Variants in CACNA1D observed in about 807,000 individuals in gnomAD.
CACNA1D encodes voltage-dependent L-type calcium channel subunit alpha-1D.
CACNA1D carries 55 observed loss-of-function variants against 257.1 expected under a neutral mutation model. The observed-to-expected ratio is 0.21, with a 90% confidence interval of 0.17 to 0.27. The LOEUF (loss-of-function observed/expected upper bound fraction) is 0.27. CACNA1D is among the 10% of genes least tolerant of loss of function. The probability of loss-of-function intolerance (pLI) is 1.00; values close to 1 mark genes in which losing one functional copy is unlikely to be tolerated. For missense variants in CACNA1D, 1,876 were observed against 2,784.0 expected, an observed-to-expected ratio of 0.67 and a Z score of 7.34; for synonymous variants, 980 against 1,014.9, an observed-to-expected ratio of 0.97 and a Z score of 0.65.
intron 8 of CACNA1D, among the ~76,000 whole-genome samples, chr3:53,692,718 G>A (rs2094539320): frequency 6.6e-6 from 1 of 152,206 alleles, no homozygotes; most frequent in Admixed American, 6.5e-5. Flanking sequence ...CCCAAAAGAT[G>A]AAAACTGTTT....
In CACNA1D at chr3:53,811,313, G is replaced by A. The variant is rs200001131; in HGVS notation, c.6393G>A (p.Gln2131=). 1,391 of 1,612,942 alleles carry A rather than the reference G, an allele frequency of 8.6e-4. 21 individuals are homozygous for A. In the South Asian group the frequency reaches 0.014, roughly 17 times the overall value. Residue 2131 remains glutamine (Q), a synonymous_variant, in exon 48 of 48, where the codon CAG becomes CAA. Coordinates refer to ENST00000350061, the MANE Select transcript of CACNA1D (RefSeq NM_001128840.3). The surrounding 1 kb of genome is among the most constrained non-coding windows in gnomAD (Gnocchi z 4.2). ...PLSHRQDYEL[Q]DFGPGYSDEE... The stretch of plus-strand genomic sequence containing the variant: ...CACACCGGCAGGACTATGAGCTACA[G>A]GACTTTGGTCCTGGCTACAGCGACG...
intron 9 of CACNA1D, among the ~76,000 whole-genome samples, chr3:53,703,444 C>T (rs1018622114): frequency 6.6e-6 from 1 of 152,218 alleles, no homozygotes; most frequent in African/African-American, 2.4e-5. Flanking sequence ...CCTGAGAACT[C>T]AGTCCATCAC....
intron 8 of CACNA1D, among the ~76,000 whole-genome samples, chr3:53,697,551 T>G (rs1216285964): frequency 1.3e-5 from 2 of 151,664 alleles, no homozygotes; most frequent in African/African-American, 2.4e-5. Flanking sequence ...CTTCTAAGCA[T>G]TCAAATTTTT....
chr3:53,762,713 T>G (rs1226944966), intron 30 of CACNA1D: 1 of 433,874 alleles, frequency 2.3e-6, no homozygotes, highest in Middle Eastern at 3.3e-4. Context: ...GCCCTGCCCT[T>G]AAATCTCCAC....
chr3:53,789,732 C>T lies in CACNA1D; in HGVS notation c.4923+2780C>T, dbSNP rs1417033437. The stretch of plus-strand genomic sequence containing the variant: ...AAGTGCGGACCTAGGCATGTGCGTG[C>T]TTGTGCTGCGTAGGGTGCAGTCTGT... On this transcript the variant is annotated intron_variant, in intron 40 of 47. Transcript: ENST00000350061. The surrounding 1 kb of genome is among the most constrained non-coding windows in gnomAD (Gnocchi z 4.2). Among the ~76,000 whole-genome samples, 1 of 152,208 alleles carries T rather than the reference C, an allele frequency of 6.6e-6. No homozygotes were observed. Among genetic ancestry groups the T allele is most frequent in the African/African-American group, 2.4e-5 (1 of 41,460 alleles).
At chr3:53,594,018 C>T (rs568682080) in intron 3 of CACNA1D, among the ~76,000 whole-genome samples, 16 of 152,136 alleles carry the variant, frequency 1.1e-4, no homozygotes, top group Non-Finnish European at 1.9e-4. Flanking sequence ...GAAGAAGGAA[C>T]AACAGAAACC....
At chr3:53,643,542 G>T (rs1184867617) in intron 3 of CACNA1D, among the ~76,000 whole-genome samples, 1 of 152,132 alleles carries the variant, frequency 6.6e-6, no homozygotes, top group East Asian at 1.9e-4. Context: ...TGCTGTTCTT[G>T]CTTGGTCAGC....
In CACNA1D at chr3:53,749,314, A is replaced by G. The variant is rs146892408; in HGVS notation, c.3361A>G (p.Ile1121Val). The G allele has an allele frequency of 4.4e-4, 703 of 1,614,056 alleles. No homozygotes were observed. Among genetic ancestry groups the G allele is most frequent in the South Asian group, 1.3e-3 (122 of 91,074 alleles). The change falls in exon 27 of 48, where the codon ATC becomes GTC. Residue 1121 changes from isoleucine (I) to valine (V), a missense_variant. By Grantham distance (29) the Ile-to-Val change is conservative. Transcript: ENST00000350061. ...IDSNGENIGP[I>V]YNHRVEISIF... is the part of the protein sequence containing the mutation. ...CTCGAATGGAGAGAACATCGGCCCA[A>G]TCTACAACCACCGCGTGGAGATCTC...
In CACNA1D at chr3:53,811,848, A is replaced by G. The variant is rs2095602145; in HGVS notation, c.*442A>G. 1 of 155,576 alleles carries G rather than the reference A, an allele frequency of 6.4e-6. No homozygotes were observed. The allele number at this position is 155,576 out of a possible 1,614,324, so 9.6% of individuals were successfully genotyped here. ...GTTACCTCAGCCATCGGTCTAGCAT[A>G]TCAGTCACTGGGCCCAACATATCCA... On this transcript the variant is annotated 3_prime_UTR_variant, in exon 48 of 48. Coordinates refer to ENST00000350061, the MANE Select transcript of CACNA1D (RefSeq NM_001128840.3). The surrounding 1 kb of genome is among the most constrained non-coding windows in gnomAD (Gnocchi z 4.2).
At chr3:53,629,453 C>T (rs2093798344) in intron 3 of CACNA1D, among the ~76,000 whole-genome samples, 1 of 152,190 alleles carries the variant, frequency 6.6e-6, no homozygotes, top group African/African-American at 2.4e-5. Flanking sequence ...GGATAAAATA[C>T]AGAATGAAAG....
At chr3:53,710,262 G>A in intron 9 of CACNA1D, 1 of 390,600 alleles carries the variant, frequency 2.6e-6, no homozygotes, top group Non-Finnish European at 5.1e-6. Context: ...CCTAGCAGGA[G>A]GGGTCTGGGG....
intron 3 of CACNA1D, among the ~76,000 whole-genome samples, chr3:53,507,078 A>AAC: frequency 1.3e-5 from 2 of 150,046 alleles, no homozygotes; most frequent in East Asian, 3.9e-4. Flanking sequence ...ATCTCAAAAA[A>AAC]AAAAAAAAAA....
chr3:53,718,307 T>C lies in CACNA1D; in HGVS notation c.1397T>C (p.Met466Thr), dbSNP rs903758452. 1.2e-6 allele frequency: 2 copies of C among 1,613,628 alleles called. No homozygotes were observed. Among genetic ancestry groups the C allele is most frequent in the African/African-American group, 1.3e-5 (1 of 74,922 alleles). Residue 466 changes from methionine to threonine, a missense_variant, in exon 10 of 48, where the codon ATG becomes ACG. Coordinates refer to ENST00000350061, the MANE Select transcript of CACNA1D (RefSeq NM_001128840.3). ...GGEEGKRNTS[M>T]PTSETESVNT... ...GCCCGTCTTCTCCCCACAGCTAGCA[T>C]GCCCACCAGCGAGACTGAGTCTGTG... is the stretch of plus-strand genomic sequence containing the variant.
intron 3 of CACNA1D, among the ~76,000 whole-genome samples, chr3:53,640,240 T>G (rs948890820): frequency 1.3e-5 from 2 of 152,214 alleles, no homozygotes; most frequent in African/African-American, 4.8e-5. Flanking sequence ...AGGGAGACAG[T>G]GTATGACTTT....
chr3:53,648,679 G>A (rs551662634), intron 3 of CACNA1D, among the ~76,000 whole-genome samples: 2 of 152,124 alleles, frequency 1.3e-5, no homozygotes, highest in East Asian at 1.9e-4. Context: ...TGTATGAAGG[G>A]CATGGGGGAA....
At chr3:53,580,419 C>G (rs2093112457) in intron 3 of CACNA1D, among the ~76,000 whole-genome samples, 1 of 152,214 alleles carries the variant, frequency 6.6e-6, no homozygotes, top group Non-Finnish European at 1.5e-5. Flanking sequence ...AGAGAAAGTG[C>G]CTGGCAGATG....
chr3:53,772,126 G>A (rs886954237), intron 32 of CACNA1D, among the ~76,000 whole-genome samples: 2 of 152,232 alleles, frequency 1.3e-5, no homozygotes, highest in African/African-American at 2.4e-5. Context: ...TGAAAGGACG[G>A]GGGATCTGTC....
rs117737336 is a variant in CACNA1D, at chr3:53,560,790, G to C, written c.483+59070G>C. Among the ~76,000 whole-genome samples, 107 of 152,250 alleles carry C rather than the reference G, an allele frequency of 7.0e-4. 3 individuals are homozygous for C. In the East Asian group the frequency reaches 0.019, roughly 26 times the overall value. On this transcript the variant is annotated intron_variant, in intron 3 of 47. Coordinates refer to ENST00000350061, the MANE Select transcript of CACNA1D (RefSeq NM_001128840.3). ...TTCTTACAACCGTTTAGTAGGTAGT[G>C]GGCCAGATTTCGCCCATGGGCCAAA...
At chr3:53,775,547 A>G (rs1317749544) in intron 34 of CACNA1D, among the ~76,000 whole-genome samples, 3 of 152,212 alleles carry the variant, frequency 2.0e-5, no homozygotes, top group Non-Finnish European at 4.4e-5. Context: ...CAACAGAGCA[A>G]AACCTTGTCT....
Sources: gnomAD v4.1 joint callset for allele counts (sites outside exome capture counted in the v4.1 genomes callset) on GRCh38, gnomAD v4.1.1 for gene constraint, Gnocchi (gnomAD v3.1) non-coding constraint, MANE v1.5 for transcripts, NCBI Gene and HGNC (gene_info 2026-07-23, HGNC 2026-07-21) for gene names.